Variants in TBC1D2 observed in about 807,000 individuals in gnomAD.
TBC1D2 encodes the protein TBC1 domain family member 2, also known as TBC1 domain family member 2A.
Under a neutral mutation model 91.1 loss-of-function variants are expected in TBC1D2, and 58 were observed. That is an observed-to-expected ratio of 0.64 (90% CI 0.52 to 0.79). TBC1D2 has a LOEUF of 0.79. TBC1D2 is among the 30% of genes least tolerant of loss of function. The pLI, the probability that TBC1D2 is intolerant of heterozygous loss-of-function variation, is 0.00. For missense variants in TBC1D2, 1,080 were observed against 1,208.3 expected, an observed-to-expected ratio of 0.89 and a Z score of 1.57; for synonymous variants, 482 against 511.5, an observed-to-expected ratio of 0.94 and a Z score of 0.78.
intron 3 of TBC1D2, among the ~76,000 whole-genome samples, chr9:98,240,608 G>A (rs1829616135): frequency 6.6e-6 from 1 of 152,202 alleles, no homozygotes; most frequent in Admixed American, 6.5e-5. Flanking sequence ...TAGAGGCACT[G>A]GCTAGGTGGG....
At chr9:98,215,546 C>T (rs553246359) in intron 6 of TBC1D2, among the ~76,000 whole-genome samples, 6 of 152,168 alleles carry the variant, frequency 3.9e-5, no homozygotes, top group African/African-American at 7.2e-5. Context: ...CTTGCTCTGT[C>T]GCCCAAGCTG....
chr9:98,225,616 G>A (rs1829213873), intron 5 of TBC1D2, among the ~76,000 whole-genome samples: 1 of 152,150 alleles, frequency 6.6e-6, no homozygotes, highest in Non-Finnish European at 1.5e-5. Context: ...CTTAGCCCCT[G>A]GGAGACCCTG....
chr9:98,218,266 A>C (rs746536785), intron 6 of TBC1D2, among the ~76,000 whole-genome samples: 6 of 152,112 alleles, frequency 3.9e-5, no homozygotes, highest in Non-Finnish European at 8.8e-5. Context: ...AGCTGAGCTC[A>C]CTGATAAAGA....
chr9:98,245,194 C>G (rs772662190), intron 2 of TBC1D2, among the ~76,000 whole-genome samples: 17 of 151,160 alleles, frequency 1.1e-4, no homozygotes, highest in Admixed American at 3.3e-4. Flanking sequence ...GAGCCTAGAT[C>G]GTGCCACTGC....
chr9:98,210,875 G>A lies in TBC1D2; in HGVS notation c.1486-32C>T, dbSNP rs376215281. On this transcript the variant is annotated intron_variant, in intron 7 of 12. Coordinates refer to ENST00000465784, the MANE Select transcript of TBC1D2 (RefSeq NM_001267571.2). ...ACAGGGAAAGGCTGGTCAGGCTACC[G>A]GGTGGGAGCTGGGCCGCCCCAGAGG... 283 of 1,537,150 alleles carry A rather than the reference G, an allele frequency of 1.8e-4. No homozygotes were observed. In the African/African-American group the frequency reaches 2.5e-3, roughly 13 times the overall value.
At chr9:98,221,510 C>A (rs1432814508) in intron 5 of TBC1D2, among the ~76,000 whole-genome samples, 1 of 152,170 alleles carries the variant, frequency 6.6e-6, no homozygotes, top group Non-Finnish European at 1.5e-5. Context: ...AGATGGGCAG[C>A]TTCTGGGTCC....
At chr9:98,217,090 G>T (rs1467225784) in intron 6 of TBC1D2, among the ~76,000 whole-genome samples, 1 of 152,190 alleles carries the variant, frequency 6.6e-6, no homozygotes, top group Non-Finnish European at 1.5e-5. Context: ...TGCCGGACAG[G>T]GAGGCAGAGT....
intron 5 of TBC1D2, among the ~76,000 whole-genome samples, chr9:98,226,266 G>C (rs967414248): frequency 1.3e-5 from 2 of 152,200 alleles, no homozygotes; most frequent in Non-Finnish European, 2.9e-5. Flanking sequence ...TGGCCCCACG[G>C]CACATTTCCT....
Position 98,203,388 on chromosome 9 carries a change from A to G in TBC1D2, c.2171T>C (p.Leu724Pro). Reference protein sequence around the residue: ...GLNRLAAIALLVLEEEESAFW... With the variant: ...GLNRLAAIALPVLEEEESAFW... ...GGCGCTCTCCTCCTCCTCTAGGACCAGCAGGGCAATGGCCGCCAGCCTGGA... is the reference window on the plus strand; with the variant it reads ...GGCGCTCTCCTCCTCCTCTAGGACCGGCAGGGCAATGGCCGCCAGCCTGGA... Residue 724 changes from leucine to proline, a missense_variant, in exon 10 of 13, where the codon CTG (leucine) becomes CCG (proline). By Grantham distance (98) the Leu-to-Pro change is moderately conservative (BLOSUM62 -3). Coordinates refer to ENST00000465784, the MANE Select transcript of TBC1D2 (RefSeq NM_001267571.2). 6.2e-7 allele frequency: 1 copy of G among 1,614,216 alleles called. No homozygotes were observed. Among genetic ancestry groups the G allele is most frequent in the Non-Finnish European group, 8.5e-7 (1 of 1,180,042 alleles).
At chr9:98,241,175 G>C (rs1259939131) in intron 3 of TBC1D2, among the ~76,000 whole-genome samples, 1 of 152,224 alleles carries the variant, frequency 6.6e-6, no homozygotes, top group African/African-American at 2.4e-5. Flanking sequence ...TCATTGGACA[G>C]AGAGAACTGA....
chr9:98,204,356 A>G (rs1015082026), intron 9 of TBC1D2, among the ~76,000 whole-genome samples: 3 of 152,114 alleles, frequency 2.0e-5, no homozygotes, highest in Non-Finnish European at 4.4e-5. Context: ...GTGGTGACAA[A>G]ACGCTGTGTG....
intron 2 of TBC1D2, among the ~76,000 whole-genome samples, chr9:98,249,135 C>T (rs1829822635): frequency 1.3e-5 from 2 of 152,178 alleles, no homozygotes; most frequent in South Asian, 2.1e-4. Context: ...CCAGAAACAT[C>T]TTTCTAGGTG....
rs1251918128 is a variant in TBC1D2, at chr9:98,238,808, C to T, written c.647+5186G>A. The stretch of plus-strand genomic sequence containing the variant: ...GGCTGGAGTGTAGTGGTACAACCTC[C>T]GCCTCCTGGGTTCAAGCAATTCTCC... On this transcript the variant is annotated intron_variant, in intron 3 of 12. Coordinates refer to ENST00000465784, the MANE Select transcript of TBC1D2 (RefSeq NM_001267571.2). Among the ~76,000 whole-genome samples, 6 of 112,176 alleles carry T rather than the reference C, an allele frequency of 5.3e-5. No individual in the cohort carries two copies. The East Asian group carries it at 5.9e-4, about 11-fold the overall frequency. 73.6% of individuals were successfully genotyped at this position (112,176 alleles called of 152,430 possible).
intron 9 of TBC1D2, among the ~76,000 whole-genome samples, chr9:98,206,847 CA>C (rs1828667497): frequency 6.6e-6 from 1 of 152,228 alleles, no homozygotes; most frequent in Admixed American, 6.5e-5. Context: ...AAGAGGCCCC[CA>C]TTATGCTTTA....
At chr9:98,205,973 C>A (rs937782763) in intron 9 of TBC1D2, among the ~76,000 whole-genome samples, 3 of 152,110 alleles carry the variant, frequency 2.0e-5, no homozygotes, top group Non-Finnish European at 2.9e-5. Flanking sequence ...CACATTTGAA[C>A]AGGCTTTCTA....
At chr9:98,235,566 G>A in intron 3 of TBC1D2, 1 of 456,148 alleles carries the variant, frequency 2.2e-6, no homozygotes. Context: ...TCTAGAAGCT[G>A]AAGCATCTCC....
At chr9:98,201,800 C>A in intron 10 of TBC1D2, 136 bp from the exon 11 acceptor site, 1 of 820,744 alleles carries the variant, frequency 1.2e-6, no homozygotes, top group Non-Finnish European at 1.8e-6. Context: ...GCCCAGGAGA[C>A]ACCTCGGGGA....
At chr9:98,205,537 C>T (rs1828626724) in intron 9 of TBC1D2, among the ~76,000 whole-genome samples, 2 of 152,138 alleles carry the variant, frequency 1.3e-5, no homozygotes, top group Non-Finnish European at 2.9e-5. Flanking sequence ...AGACATCAAA[C>T]ATGCAGTTCC....
At chr9:98,230,630 T>C (rs771381115) in intron 4 of TBC1D2, among the ~76,000 whole-genome samples, 38 of 151,992 alleles carry the variant, frequency 2.5e-4, no homozygotes, top group Non-Finnish European at 5.4e-4. Flanking sequence ...AGACACTGAG[T>C]GCAAAAACAG....
Sources: allele counts gnomAD v4.1 joint callset (sites outside exome capture counted in the v4.1 genomes callset), GRCh38; gene constraint gnomAD v4.1.1; transcripts MANE v1.5; gene names NCBI Gene and HGNC (gene_info 2026-07-23, HGNC 2026-07-21).